DAAM2: variants seen among roughly 807,000 people sequenced by gnomAD.
DAAM2 encodes the protein dishevelled associated activator of morphogenesis 2, also known as disheveled-associated activator of morphogenesis 2.
In DAAM2, 39 loss-of-function variants were observed where a neutral mutation model predicts 120.7. The observed-to-expected ratio is 0.32, with a 90% CI of 0.25 to 0.42. The LOEUF (loss-of-function observed/expected upper bound fraction) is 0.42, where lower values mean the gene tolerates loss of function less well. DAAM2 is among the 10% of genes least tolerant of loss of function. The pLI, the probability that DAAM2 is intolerant of heterozygous loss-of-function variation, is 1.00. For missense variants in DAAM2, 1,283 were observed against 1,401.7 expected, an observed-to-expected ratio of 0.92 and a Z score of 1.35; for synonymous variants, 488 against 524.9, an observed-to-expected ratio of 0.93 and a Z score of 0.96.
chr6:39,901,944 G>T lies in DAAM2; in HGVS notation c.3114G>T (p.Lys1038Asn). The T allele has an allele frequency of 6.2e-7, 1 of 1,612,328 alleles. No individual in the cohort carries two copies. The highest frequency in any genetic ancestry group is 1.1e-5 in the South Asian group (1 of 90,980). Residue 1038 changes from lysine (K) to asparagine (N), a missense_variant, in exon 25 of 25, where the codon AAG becomes AAT. By Grantham distance (94) the Lys-to-Asn change is moderately conservative (BLOSUM62 0). Transcript: ENST00000274867. The surrounding 1 kb of genome is among the most constrained non-coding windows in gnomAD (Gnocchi z 4.5). Reference sequence around the variant, plus strand: ...TGCGCTCTGGGGAGGTCTTCGACAAGGACTTATGCAAGCTCAAGCGCAGCC... The same window carrying T: ...TGCGCTCTGGGGAGGTCTTCGACAATGACTTATGCAAGCTCAAGCGCAGCC... The part of the protein sequence containing the change: ...SALRSGEVFD[K>N]DLCKLKRSRK...
In DAAM2 at chr6:39,888,771, C is replaced by T; in HGVS notation, c.2145+8C>T. On this transcript the variant is annotated splice_region_variant and intron_variant, in intron 17 of 24. Coordinates refer to ENST00000274867, the MANE Select transcript of DAAM2 (RefSeq NM_001201427.2). ...AAGGACATGCTGGAGCAGGTGAGGA[C>T]CCTCGTGGGAAGGAAGGGGAACTGA... 6.2e-7 allele frequency: 1 copy of T among 1,609,262 alleles called. No individual in the cohort carries two copies. The highest frequency in any genetic ancestry group is 8.5e-7 in the Non-Finnish European group (1 of 1,176,976).
Position 39,902,008 on chromosome 6 carries a change from G to C in DAAM2, c.3178G>C (p.Glu1060Gln), listed in dbSNP as rs1450714195. 1.9e-6 allele frequency: 3 copies of C among 1,610,500 alleles called. No homozygotes were observed. The highest frequency in any genetic ancestry group is 2.5e-6 in the Non-Finnish European group (3 of 1,177,570). The change falls in exon 25 of 25, where the codon GAG becomes CAG. Residue 1060 changes from glutamate (E) to glutamine (Q), a missense_variant. By Grantham distance (29) the Glu-to-Gln change is conservative (BLOSUM62 2). Coordinates refer to ENST00000274867, the MANE Select transcript of DAAM2 (RefSeq NM_001201427.2). ...SGSQALEVTR[E>Q]RAINRLNY Reference sequence around the variant, plus strand: ...GAGCCAGGCCCTGGAAGTTACCCGGGAGCGGGCAATAAACCGGCTAAATTA... The same window carrying C: ...GAGCCAGGCCCTGGAAGTTACCCGGCAGCGGGCAATAAACCGGCTAAATTA...
chr6:39,818,204 A>AAAAAAC (rs1762371552), intron 1 of DAAM2, among the ~76,000 whole-genome samples: 1 of 146,328 alleles, frequency 6.8e-6, no homozygotes, highest in Non-Finnish European at 1.5e-5. Context: ...AAAAAAAAAA[A>AAAAAAC]AACTTCACAG....
At chr6:39,871,474 G>A in intron 8 of DAAM2, 32 bp from the exon 9 acceptor site, 2 of 1,544,332 alleles carry the variant, frequency 1.3e-6, no homozygotes, top group Non-Finnish European at 1.8e-6. Flanking sequence ...TGGCTGTAAT[G>A]TCTACTCTCT....
intron 1 of DAAM2, among the ~76,000 whole-genome samples, chr6:39,834,444 C>T (rs1434826445): frequency 1.4e-4 from 22 of 152,182 alleles, no homozygotes; most frequent in Non-Finnish European, 1.8e-4. Context: ...TGATTTGCAG[C>T]AGTAGCTCCT....
In DAAM2 at chr6:39,855,075, G is replaced by A. The variant is rs1228756298; in HGVS notation, c.-56-1172G>A. ...CTGCAAACCGATGATACTCAACAGG[G>A]ATAAAAACAGAATTCCATATTTATG... On this transcript the variant is annotated intron_variant, in intron 1 of 24. Coordinates refer to ENST00000274867, the MANE Select transcript of DAAM2 (RefSeq NM_001201427.2). Among the ~76,000 whole-genome samples the A allele has an allele frequency of 1.3e-5, 2 of 152,190 alleles. 1 individual carries two copies. Among genetic ancestry groups the A allele is most frequent in the African/African-American group, 4.8e-5 (2 of 41,464 alleles).
chr6:39,867,371 A>G lies in DAAM2; in HGVS notation c.429-139A>G, dbSNP rs917067508. 3 of 713,456 alleles carry G rather than the reference A, an allele frequency of 4.2e-6. No individual in the cohort carries two copies. The Admixed American group carries it at 8.0e-5, about 19-fold the overall frequency. The allele number at this position is 713,456 out of a possible 1,614,324, so 44.2% of individuals were successfully genotyped here. A position where few individuals can be genotyped will look rare whatever the true frequency, so the allele number is the denominator to read the frequency against. ...GAAGATGATAGGATTTCACTGCTTT[A>G]GATAAACTACGAATAAACCAAGTGG... is the stretch of plus-strand genomic sequence containing the variant. On this transcript the variant is annotated intron_variant, in intron 5 of 24. Coordinates refer to ENST00000274867, the MANE Select transcript of DAAM2 (RefSeq NM_001201427.2).
intron 1 of DAAM2, among the ~76,000 whole-genome samples, chr6:39,841,504 G>GA (rs1456618195): frequency 6.6e-6 from 1 of 152,082 alleles, no homozygotes; most frequent in Non-Finnish European, 1.5e-5. Context: ...AGAGAGGCTA[G>GA]AGAGAGCTTG....
At chr6:39,856,497 T>A in intron 2 of DAAM2, 27 bp downstream of exon 2, 1 of 1,399,382 alleles carries the variant, frequency 7.1e-7, no homozygotes, top group South Asian at 1.7e-5. Context: ...GGAGAGACAG[T>A]GACAATGGGG....
intron 1 of DAAM2, among the ~76,000 whole-genome samples, chr6:39,854,457 T>G (rs2149279417): frequency 6.6e-6 from 1 of 152,288 alleles, no homozygotes; most frequent in East Asian, 1.9e-4. Flanking sequence ...AACGGCAATC[T>G]TCCATAATGT....
At chr6:39,888,814 G>A (rs997085806) in intron 17 of DAAM2, 51 bp downstream of exon 17, 11 of 1,457,138 alleles carry the variant, frequency 7.5e-6, no homozygotes, top group East Asian at 4.6e-5. Context: ...GGGCAGCCAC[G>A]CCCCTTCCCA....
intron 1 of DAAM2, among the ~76,000 whole-genome samples, chr6:39,812,335 T>C (rs1276480514): frequency 1.3e-5 from 2 of 152,202 alleles, no homozygotes; most frequent in Non-Finnish European, 2.9e-5. Flanking sequence ...TTCTAACAGC[T>C]CTGCAAAGTG....
At chr6:39,832,056 CAGGTGTACTGAGGGAGT>C (rs1258645974) in intron 1 of DAAM2, among the ~76,000 whole-genome samples, 1 of 125,354 alleles carries the variant, frequency 8.0e-6, no homozygotes, top group Non-Finnish European at 1.7e-5. Flanking sequence ...ACTGCGGGGA[CAGGTGTACTGAGGGAGT>C]AGGTGCACTG....
At chr6:39,869,620 AGAACTT>A (rs1176483534) in intron 7 of DAAM2, among the ~76,000 whole-genome samples, 2 of 152,100 alleles carry the variant, frequency 1.3e-5, no homozygotes, top group African/African-American at 4.8e-5. Context: ...CAACAATAGA[AGAACTT>A]GAAGAGCAGG....
chr6:39,864,555 G>C (rs1040471598), intron 4 of DAAM2, 48 bp downstream of exon 4: 3 of 1,494,642 alleles, frequency 2.0e-6, no homozygotes, highest in Non-Finnish European at 2.7e-6. Flanking sequence ...GAAAGGCTAC[G>C]GCAGGGAGTG....
chr6:39,845,385 C>CGTGTAT (rs1763541303), intron 1 of DAAM2, among the ~76,000 whole-genome samples: 1 of 1,104 alleles, frequency 9.1e-4, no homozygotes, highest in African/African-American at 2.5e-3. Flanking sequence ...CACATATACA[C>CGTGTAT]ACACCACACA....
intron 15 of DAAM2, 60 bp from the exon 16 acceptor site, chr6:39,887,426 G>A (rs981481174): frequency 1.7e-5 from 21 of 1,223,496 alleles, no homozygotes; most frequent in African/African-American, 6.0e-5. Context: ...CTTGCGGGGC[G>A]GGTAAGAGGA....
At position 39,879,198 on chromosome 6, in the gene DAAM2, A is replaced by G. The variant is rs767719891; in HGVS notation, c.1566A>G (p.Pro522=). The change falls in exon 14 of 25, where the codon CCA becomes CCG. Residue 522 remains proline, a synonymous_variant. Transcript: ENST00000274867. ...SELSTGPVSS[P]PPPGGPLTLS... is the part of the protein sequence containing the mutation. ...CACAGACAGGCCCTGTATCTTCCCC[A>G]CCACCCCCTGGGGGCCCACTCACCT... is the stretch of plus-strand genomic sequence containing the variant. 6.5e-7 allele frequency: 1 copy of G among 1,548,764 alleles called. No homozygotes were observed. Among genetic ancestry groups the G allele is most frequent in the East Asian group, 2.4e-5 (1 of 40,880 alleles).
chr6:39,866,974 A>G (rs1764457990), intron 5 of DAAM2, among the ~76,000 whole-genome samples: 1 of 152,270 alleles, frequency 6.6e-6, no homozygotes, highest in Non-Finnish European at 1.5e-5. Flanking sequence ...TGCTATCCAT[A>G]GATTCTTCAG....
Sources: gnomAD v4.1 joint callset for allele counts (sites outside exome capture counted in the v4.1 genomes callset) on GRCh38, gnomAD v4.1.1 for gene constraint, Gnocchi (gnomAD v3.1) non-coding constraint, MANE v1.5 for transcripts, NCBI Gene and HGNC (gene_info 2026-07-23, HGNC 2026-07-21) for gene names.